Variants in LNPK observed in about 807,000 individuals in gnomAD.
LNPK encodes lunapark, ER junction formation factor, also known as endoplasmic reticulum junction formation protein lunapark.
A neutral mutation model predicts 55.2 loss-of-function variants in LNPK; 29 were observed. The observed-to-expected ratio is 0.53, with a 90% CI of 0.39 to 0.72. The LOEUF (loss-of-function observed/expected upper bound fraction) is 0.72, where lower values mean the gene tolerates loss of function less well. LNPK is among the 30% of genes least tolerant of loss of function. The pLI is 0.00. For missense variants in LNPK, 467 were observed against 494.8 expected, an observed-to-expected ratio of 0.94 and a Z score of 0.53; for synonymous variants, 162 against 168.2, an observed-to-expected ratio of 0.96 and a Z score of 0.29.
intron 9 of LNPK, among the ~76,000 whole-genome samples, chr2:175,945,047 T>G (rs1453627261): frequency 6.6e-6 from 1 of 151,656 alleles, no homozygotes; most frequent in Non-Finnish European, 1.5e-5. Context: ...TACAGGCACC[T>G]GCCACCAGGC....
Position 175,929,657 on chromosome 2 carries a change from A to T in LNPK, c.*310T>A. Reference sequence around the variant, plus strand: ...ATGTCAAAATGGATATTTACGGGTTATACATACAGAAAACAAGAAGGCAAT... The same window carrying T: ...ATGTCAAAATGGATATTTACGGGTTTTACATACAGAAAACAAGAAGGCAAT... On this transcript the variant is annotated 3_prime_UTR_variant, in exon 13 of 13. Transcript: ENST00000272748. The T allele has an allele frequency of 8.9e-7, 1 of 1,122,858 alleles. No individual in the cohort carries two copies. The highest frequency in any genetic ancestry group is 1.1e-6 in the Non-Finnish European group (1 of 916,660). 69.6% of individuals were successfully genotyped at this position (1,122,858 alleles called of 1,614,324 possible).
intron 6 of LNPK, among the ~76,000 whole-genome samples, chr2:175,965,963 G>A (rs1238561257): frequency 6.6e-6 from 1 of 152,180 alleles, no homozygotes; most frequent in Admixed American, 6.5e-5. Flanking sequence ...ATGTAATGAT[G>A]AAAATGGTCT....
At chr2:175,970,510 C>T (rs1686606684) in intron 6 of LNPK, among the ~76,000 whole-genome samples, 1 of 152,058 alleles carries the variant, frequency 6.6e-6, no homozygotes, top group Non-Finnish European at 1.5e-5. Context: ...TTTAGGCCTC[C>T]AATATGACTC....
intron 9 of LNPK, among the ~76,000 whole-genome samples, chr2:175,942,232 T>C (rs1160458957): frequency 6.6e-6 from 1 of 152,200 alleles, no homozygotes; most frequent in Non-Finnish European, 1.5e-5. Context: ...CACTCTATTA[T>C]GCATTATATG....
chr2:175,947,157 G>T (rs960047204), intron 9 of LNPK, among the ~76,000 whole-genome samples: 2 of 152,108 alleles, frequency 1.3e-5, no homozygotes, highest in Admixed American at 1.3e-4. Context: ...TTCTATCCCT[G>T]TTTTATATAA....
Position 175,925,202 on chromosome 2 carries a change from C to T in LNPK, c.*4765G>A, listed in dbSNP as rs887915087. The T allele has an allele frequency of 6.6e-6, 1 of 152,272 alleles. No individual in the cohort carries two copies. The highest frequency in any genetic ancestry group is 2.1e-4 in the South Asian group (1 of 4,830). 9.4% of individuals were successfully genotyped at this position (152,272 alleles called of 1,614,324 possible). A position where few individuals can be genotyped will look rare whatever the true frequency, so the allele number is the denominator to read the frequency against. Reference sequence around the variant, plus strand: ...ACCTCTTCTGATACAACTATGTTCTCCATAACAATAGTGACTGTGTGTCTA... The same window carrying T: ...ACCTCTTCTGATACAACTATGTTCTTCATAACAATAGTGACTGTGTGTCTA... On this transcript the variant is annotated 3_prime_UTR_variant, in exon 13 of 13. Coordinates refer to ENST00000272748, the MANE Select transcript of LNPK (RefSeq NM_030650.3).
rs562165352 is a variant in LNPK, at chr2:175,966,995, A to C, written c.358-2406T>G. Reference sequence around the variant, plus strand: ...GGCCTGAAACAAACTATTTCCAAAAACTCAACATATTAACCTCAAGATTCA... The same window carrying C: ...GGCCTGAAACAAACTATTTCCAAAACCTCAACATATTAACCTCAAGATTCA... On this transcript the variant is annotated intron_variant, in intron 6 of 12. Coordinates refer to ENST00000272748, the MANE Select transcript of LNPK (RefSeq NM_030650.3). Among the ~76,000 whole-genome samples the C allele has an allele frequency of 4.0e-4, 61 of 152,326 alleles. No homozygotes were observed. In the South Asian group the frequency reaches 0.012, roughly 31 times the overall value.
At chr2:175,941,695 G>A (rs765709300) in intron 9 of LNPK, among the ~76,000 whole-genome samples, 2 of 151,216 alleles carry the variant, frequency 1.3e-5, no homozygotes, top group Non-Finnish European at 2.9e-5. Flanking sequence ...AGAGGCTGAG[G>A]CAGGAGAATT....
chr2:175,978,171 A>T (rs1686999312), intron 5 of LNPK, among the ~76,000 whole-genome samples: 1 of 152,208 alleles, frequency 6.6e-6, no homozygotes, highest in South Asian at 2.1e-4. Context: ...ATTAAAAATA[A>T]CAACAATAAA....
At chr2:175,954,735 A>G (rs1187435227) in intron 8 of LNPK, among the ~76,000 whole-genome samples, 1 of 152,206 alleles carries the variant, frequency 6.6e-6, no homozygotes, top group African/African-American at 2.4e-5. Context: ...TTGGTAAATT[A>G]CTATTTTATA....
intron 1 of LNPK, among the ~76,000 whole-genome samples, chr2:175,998,209 C>T (rs1309460740): frequency 4.6e-5 from 7 of 151,792 alleles, no homozygotes; most frequent in African/African-American, 9.7e-5. Context: ...TTTGGGAGGC[C>T]GAGGCGGGTG....
intron 8 of LNPK, among the ~76,000 whole-genome samples, chr2:175,958,878 T>C (rs1685844537): frequency 6.6e-6 from 1 of 152,120 alleles, no homozygotes; most frequent in South Asian, 2.1e-4. Flanking sequence ...AGACCTTAAA[T>C]GACCTGATGG....
intron 12 of LNPK, among the ~76,000 whole-genome samples, chr2:175,935,967 C>CT (rs766288263): frequency 2.6e-5 from 4 of 151,886 alleles, no homozygotes; most frequent in Non-Finnish European, 4.4e-5. Context: ...ACTTTAGCTT[C>CT]TATAAGCAGG....
chr2:175,994,132 A>G (rs1687826171), intron 2 of LNPK: 1 of 960,354 alleles, frequency 1.0e-6, no homozygotes, highest in Admixed American at 6.2e-5. Flanking sequence ...AAAAATATTT[A>G]CCAATTACAT....
chr2:175,951,222 T>C (rs1158471884), intron 8 of LNPK, among the ~76,000 whole-genome samples: 1 of 152,058 alleles, frequency 6.6e-6, no homozygotes, highest in Non-Finnish European at 1.5e-5. Flanking sequence ...ATAGTACCAG[T>C]TCCTTTATTA....
chr2:175,953,985 G>A (rs1225748231), intron 8 of LNPK, among the ~76,000 whole-genome samples: 2 of 151,994 alleles, frequency 1.3e-5, no homozygotes, highest in Admixed American at 1.3e-4. Context: ...GTAGTGCCTC[G>A]AGGTGCCAAG....
At chr2:175,999,909 G>A (rs1688098735) in intron 1 of LNPK, among the ~76,000 whole-genome samples, 1 of 152,012 alleles carries the variant, frequency 6.6e-6, no homozygotes, top group African/African-American at 2.4e-5. Flanking sequence ...GGGATTACAG[G>A]TGTATGCCAC....
chr2:175,995,031 C>A (rs999789169), intron 2 of LNPK, among the ~76,000 whole-genome samples: 2 of 150,600 alleles, frequency 1.3e-5, no homozygotes, highest in African/African-American at 2.4e-5. Flanking sequence ...AAGCCATTCT[C>A]CTGTCTCAGC....
chr2:175,985,713 T>C (rs1196907669), intron 4 of LNPK, among the ~76,000 whole-genome samples: 2 of 152,182 alleles, frequency 1.3e-5, no homozygotes, highest in Non-Finnish European at 2.9e-5. Context: ...CATGTAGGTA[T>C]AGGGATTTAA....
Sources: allele counts gnomAD v4.1 joint callset (sites outside exome capture counted in the v4.1 genomes callset), GRCh38; gene constraint gnomAD v4.1.1; transcripts MANE v1.5; gene names NCBI Gene and HGNC (gene_info 2026-07-23, HGNC 2026-07-21).